The following MMP7 variants were observed in gnomAD, a reference collection of about 807,000 sequenced individuals.
MMP7 encodes matrix metallopeptidase 7.
MMP7 carries 26 observed loss-of-function variants against 31.5 expected under a neutral mutation model. The observed-to-expected ratio is 0.83, with a 90% CI of 0.61 to 1.15. The LOEUF (loss-of-function observed/expected upper bound fraction) is 1.15, where lower values mean the gene tolerates loss of function less well. Ranked by LOEUF, MMP7 falls within the 50% of genes most tolerant of loss-of-function variation. The probability of loss-of-function intolerance (pLI) is 0.00; values close to 1 mark genes in which losing one functional copy is unlikely to be tolerated. For missense variants in MMP7, 367 were observed against 326.5 expected, an observed-to-expected ratio of 1.12 and a Z score of -0.96; for synonymous variants, 142 against 124.2, an observed-to-expected ratio of 1.14 and a Z score of -0.95.
rs200794990 is a variant in MMP7, at chr11:102,530,689, G to T, written c.12C>A (p.Thr4=). 1 of 1,613,372 alleles carries T rather than the reference G, an allele frequency of 6.2e-7. No homozygotes were observed. The highest frequency in any genetic ancestry group is 1.3e-5 in the African/African-American group (1 of 74,886). ...GCAGCAGGCACACAGCACACAGCAC[G>T]GTGAGTCGCATAGCTGCCGTCCAGA... MRL[T]VLCAVCLLPG... Residue 4 remains threonine (T), a synonymous_variant, in exon 1 of 6, where the codon ACC becomes ACA. Coordinates refer to ENST00000260227, the MANE Select transcript of MMP7 (RefSeq NM_002423.5).
chr11:102,525,017 G>A lies in MMP7; in HGVS notation c.532C>T (p.His178Tyr), dbSNP rs1858653725. 1 of 1,613,872 alleles carries A rather than the reference G, an allele frequency of 6.2e-7. No homozygotes were observed. Among genetic ancestry groups the A allele is most frequent in the East Asian group, 2.2e-5 (1 of 44,856 alleles). The change falls in exon 4 of 6, where the codon CAT (histidine) becomes TAT (tyrosine). Residue 178 changes from histidine (H) to tyrosine (Y), a missense_variant. By Grantham distance (83) the His-to-Tyr change is moderately conservative. Coordinates refer to ENST00000260227, the MANE Select transcript of MMP7 (RefSeq NM_002423.5). Reference sequence around the variant, plus strand: ...AGACCTGTCCCAGGCGCAAAGGCATGAGCCAGCGTGTTTCCTGGCCCATCA... The same window carrying A: ...AGACCTGTCCCAGGCGCAAAGGCATAAGCCAGCGTGTTTCCTGGCCCATCA... The part of the protein sequence containing the change: ...PFDGPGNTLA[H>Y]AFAPGTGLGG...
chr11:102,520,827 C>G, intron 5 of MMP7, 23 bp from the exon 6 acceptor site: 1 of 1,488,350 alleles, frequency 6.7e-7, no homozygotes, highest in Non-Finnish European at 9.2e-7. Context: ...AAAAAAAGAA[C>G]ATTCTGATAT....
Position 102,526,226 on chromosome 11 carries a change from AT to A in MMP7, c.485-1163del, listed in dbSNP as rs1347483119. Among the ~76,000 whole-genome samples the A allele has an allele frequency of 4.6e-3, 304 of 66,480 alleles. 1 individual carries two copies. Among genetic ancestry groups the A allele is most frequent in the African/African-American group, 0.017 (245 of 14,688 alleles). The allele number at this position is 66,480 out of a possible 152,430, so 43.6% of individuals were successfully genotyped here. ...AGAAAAACCCACGTAAAAAAAAAAAATATATATATATATATTTTTTTTTTTT... is the reference window on the plus strand; with the variant it reads ...AGAAAAACCCACGTAAAAAAAAAAAAATATATATATATATTTTTTTTTTTT... On this transcript the variant is annotated intron_variant, in intron 3 of 5. Coordinates refer to ENST00000260227, the MANE Select transcript of MMP7 (RefSeq NM_002423.5).
chr11:102,527,406 A>G (rs781526222), intron 3 of MMP7, 118 bp downstream of exon 3: 4 of 1,210,226 alleles, frequency 3.3e-6, no homozygotes, highest in Non-Finnish European at 2.4e-6. Context: ...TCTATTAACT[A>G]TCTATCTACC....
Position 102,530,406 on chromosome 11 carries a change from G to C in MMP7, c.108+187C>G, listed in dbSNP as rs139930310. 4.0e-3 allele frequency among the ~76,000 whole-genome samples: 610 copies of C among 152,256 alleles called. 2 individuals carry two copies. Among genetic ancestry groups the C allele is most frequent in the African/African-American group, 0.011 (451 of 41,548 alleles). ...GAGGGTTGGAACTCAAGCCCGATTTGAGCAGATTCTGAAACCTGCTTTTAA... is the reference window on the plus strand; with the variant it reads ...GAGGGTTGGAACTCAAGCCCGATTTCAGCAGATTCTGAAACCTGCTTTTAA... On this transcript the variant is annotated intron_variant, in intron 1 of 5. Transcript: ENST00000260227.
chr11:102,528,050 A>T, intron 1 of MMP7, 67 bp from the exon 2 acceptor site: 2 of 1,144,200 alleles, frequency 1.7e-6, no homozygotes, highest in Non-Finnish European at 1.2e-6. Flanking sequence ...AGAAGCCTAT[A>T]TATCTCTTGC....
Position 102,525,192 on chromosome 11 carries a change from C to T in MMP7, c.485-128G>A, listed in dbSNP as rs181313874. ...AGTCCAGGCCAGGCATGGTGGCTCACTTTGCGAGGCCGAGGTGGGCGGATC... is the reference window on the plus strand; with the variant it reads ...AGTCCAGGCCAGGCATGGTGGCTCATTTTGCGAGGCCGAGGTGGGCGGATC... On this transcript the variant is annotated intron_variant, in intron 3 of 5. Coordinates refer to ENST00000260227, the MANE Select transcript of MMP7 (RefSeq NM_002423.5). The T allele has an allele frequency of 4.1e-4, 469 of 1,153,900 alleles. 3 individuals are homozygous for T. In the African/African-American group the frequency reaches 6.9e-3, roughly 17 times the overall value. 71.5% of individuals were successfully genotyped at this position (1,153,900 alleles called of 1,614,324 possible). A position where few individuals can be genotyped will look rare whatever the true frequency, so the allele number is the denominator to read the frequency against.
At position 102,523,240 on chromosome 11, in the gene MMP7, C is replaced by T. The variant is rs751852286; in HGVS notation, c.775G>A (p.Gly259Arg). Residue 259 changes from glycine (G) to arginine (R), a missense_variant and splice_region_variant, in exon 5 of 6, where the codon GGA becomes AGA. Physicochemically the swap from Gly to Arg is moderately radical, Grantham distance 125. Coordinates refer to ENST00000260227, the MANE Select transcript of MMP7 (RefSeq NM_002423.5). Reference protein sequence around the residue: ...DDIKGIQKLYGKRSNSRKK With the variant: ...DDIKGIQKLYRKRSNSRKK ...TCTTATTTGAAATAATAAATATTAC[C>T]ATATAGTTTCTGAATGCCTTTAATA... 4.4e-6 allele frequency: 7 copies of T among 1,590,102 alleles called. No individual in the cohort carries two copies. The South Asian group carries it at 6.8e-5, about 15-fold the overall frequency.
At chr11:102,529,507 T>C (rs1015289805) in intron 1 of MMP7, among the ~76,000 whole-genome samples, 2 of 152,204 alleles carry the variant, frequency 1.3e-5, no homozygotes, top group Non-Finnish European at 2.9e-5. Context: ...TTCTGGAGAA[T>C]TCATTAGGTG....
At chr11:102,524,758 CT>C in intron 4 of MMP7, 177 bp downstream of exon 4, 3 of 544,768 alleles carry the variant, frequency 5.5e-6, no homozygotes, top group Non-Finnish European at 8.0e-6. Flanking sequence ...GAGTGTCCAT[CT>C]TCTGTGTGTA....
intron 1 of MMP7, among the ~76,000 whole-genome samples, chr11:102,528,317 C>T (rs139014155): frequency 6.6e-5 from 10 of 152,276 alleles, no homozygotes; most frequent in African/African-American, 2.4e-4. Flanking sequence ...AGTCTGTCCT[C>T]AGGGGTACGA....
Position 102,530,692 on chromosome 11 carries a change from G to A in MMP7, c.9C>T (p.Leu3=), listed in dbSNP as rs1858725962. The change falls in exon 1 of 6, where the codon CTC becomes CTT. Residue 3 remains leucine, a synonymous_variant. Transcript: ENST00000260227. ...GCAGGCACACAGCACACAGCACGGT[G>A]AGTCGCATAGCTGCCGTCCAGAGAC... MR[L]TVLCAVCLLP... 1.5e-5 allele frequency: 25 copies of A among 1,613,492 alleles called. No individual in the cohort carries two copies. Among genetic ancestry groups the A allele is most frequent in the Non-Finnish European group, 2.1e-5 (25 of 1,179,804 alleles).
intron 3 of MMP7, among the ~76,000 whole-genome samples, chr11:102,526,231 T>C (rs1282637189): frequency 7.6e-6 from 1 of 132,024 alleles, no homozygotes; most frequent in Admixed American, 7.5e-5. Context: ...AAAAAATATA[T>C]ATATATATAT....
chr11:102,521,801 G>A (rs1211800962), intron 5 of MMP7, among the ~76,000 whole-genome samples: 1 of 152,142 alleles, frequency 6.6e-6, no homozygotes, highest in Non-Finnish European at 1.5e-5. Context: ...AATATTTATA[G>A]ACTGCTATAG....
At chr11:102,525,318 A>C (rs976560061) in intron 3 of MMP7, among the ~76,000 whole-genome samples, 6 of 152,038 alleles carry the variant, frequency 3.9e-5, no homozygotes, top group African/African-American at 1.4e-4. Context: ...GCCACCAAGT[A>C]GTAATCCCAG....
rs1345842330 is a variant in MMP7, at chr11:102,523,106, C to T, written c.775+134G>A. ...TTTAAGTATCTAAGGTCCCCAATTC[C>T]TCCCCTCAATAGGCTTTTTGATATG... On this transcript the variant is annotated intron_variant, in intron 5 of 5. Coordinates refer to ENST00000260227, the MANE Select transcript of MMP7 (RefSeq NM_002423.5). 1.4e-5 allele frequency: 8 copies of T among 582,266 alleles called. No homozygotes were observed. The East Asian group carries it at 2.3e-4, about 16-fold the overall frequency. The allele number at this position is 582,266 out of a possible 1,614,324, so 36.1% of individuals were successfully genotyped here.
chr11:102,527,936 G>A lies in MMP7; in HGVS notation c.156C>T (p.Ala52=). 6.2e-7 allele frequency: 1 copy of A among 1,613,962 alleles called. No individual in the cohort carries two copies. Among genetic ancestry groups the A allele is most frequent in the Admixed American group, 1.7e-5 (1 of 60,008 alleles). The change falls in exon 2 of 6, where the codon GCC becomes GCT. Residue 52 remains alanine (A), a synonymous_variant. Transcript: ENST00000260227. ...FYLYDSETKN[A]NSLEAKLKEM... ...CCTTGAGTTTGGCTTCTAAACTGTT[G>A]GCATTTTTTGTTTCTGAGTCATAGA...
Position 102,524,224 on chromosome 11 carries a change from A to T in MMP7, c.613+712T>A, listed in dbSNP as rs541116620. On this transcript the variant is annotated intron_variant, in intron 4 of 5. Transcript: ENST00000260227. ...CAATTTAACATAGATTTTCACAGCA[A>T]GACAGCAAGCTATGGTGAATTCCTT... 3 of 152,338 alleles carry T rather than the reference A, an allele frequency of 2.0e-5. No homozygotes were observed. The South Asian group carries it at 6.2e-4, about 32-fold the overall frequency. The allele number at this position is 152,338 out of a possible 1,614,324, so 9.4% of individuals were successfully genotyped here. A position where few individuals can be genotyped will look rare whatever the true frequency, so the allele number is the denominator to read the frequency against.
At chr11:102,522,467 A>G (rs769755980) in intron 5 of MMP7, among the ~76,000 whole-genome samples, 32 of 152,220 alleles carry the variant, frequency 2.1e-4, no homozygotes, top group Admixed American at 5.9e-4. Context: ...AGTGATAGGC[A>G]GGAATATGTC....
Sources: gnomAD v4.1 joint callset for allele counts (sites outside exome capture counted in the v4.1 genomes callset) on GRCh38, gnomAD v4.1.1 for gene constraint, MANE v1.5 for transcripts, NCBI Gene and HGNC (gene_info 2026-07-23, HGNC 2026-07-21) for gene names.